Variants in DNAAF11 observed in about 807,000 individuals in gnomAD.
DNAAF11 encodes dynein axonemal assembly factor 11.
DNAAF11 carries 45 observed loss-of-function variants against 60.8 expected under a neutral mutation model. That is an observed-to-expected ratio of 0.74 (90% confidence interval 0.58 to 0.95). The LOEUF (loss-of-function observed/expected upper bound fraction) is 0.95. DNAAF11 is among the 40% of genes least tolerant of loss of function. The pLI, the probability that DNAAF11 is intolerant of heterozygous loss-of-function variation, is 0.00. For missense variants in DNAAF11, 546 were observed against 546.2 expected (o/e 1.00, Z 0.00); for synonymous variants, 191 against 183.5 (o/e 1.04, Z -0.33).
chr8:132,586,054 A>T (rs1563977043), intron 10 of DNAAF11, among the ~76,000 whole-genome samples: 1 of 152,210 alleles, frequency 6.6e-6, no homozygotes, highest in East Asian at 1.9e-4. Flanking sequence ...GTCAATTATA[A>T]ATTTAAAAAA....
At chr8:132,631,825 T>C (rs367640834) in intron 5 of DNAAF11, among the ~76,000 whole-genome samples, 2 of 151,066 alleles carry the variant, frequency 1.3e-5, no homozygotes, top group South Asian at 2.1e-4. Flanking sequence ...TGAGAACACA[T>C]GGACACAGGA....
chr8:132,695,353 C>G, the DNAAF11 span, among the ~76,000 whole-genome samples: 1 of 152,124 alleles, frequency 6.6e-6, no homozygotes, highest in Admixed American at 6.5e-5. Context: ...GGGACAATTC[C>G]TGGAGCAATT....
chr8:132,628,339 G>T (rs1490812204), intron 5 of DNAAF11, among the ~76,000 whole-genome samples: 1 of 152,058 alleles, frequency 6.6e-6, no homozygotes, highest in Non-Finnish European at 1.5e-5. Context: ...TTGAACCCAG[G>T]AGGCAGAGAT....
the DNAAF11 span, chr8:132,687,545 C>T: frequency 6.0e-5 from 27 of 453,592 alleles, no homozygotes; most frequent in African/African-American, 8.0e-5. Context: ...TAACAGGTTC[C>T]GTCATCAGAA....
intron 2 of DNAAF11, among the ~76,000 whole-genome samples, chr8:132,659,306 G>T (rs1823895386): frequency 1.3e-5 from 2 of 152,214 alleles, no homozygotes; most frequent in African/African-American, 4.8e-5. Context: ...TCCTAGAGGG[G>T]TGGTTTTACT....
intron 3 of DNAAF11, among the ~76,000 whole-genome samples, chr8:132,649,023 CT>C (rs1326091096): frequency 6.6e-6 from 1 of 151,142 alleles, no homozygotes; most frequent in Non-Finnish European, 1.5e-5. Flanking sequence ...TTTTATGGAA[CT>C]TTTTTATGGA....
the DNAAF11 span, among the ~76,000 whole-genome samples, chr8:132,702,774 G>C: frequency 6.6e-6 from 1 of 152,168 alleles, no homozygotes; most frequent in Admixed American, 6.5e-5. Context: ...CTTGTCCAAA[G>C]TGAAAGCAGT....
intron 2 of DNAAF11, among the ~76,000 whole-genome samples, chr8:132,658,366 A>G (rs1403283555): frequency 6.6e-6 from 1 of 152,164 alleles, no homozygotes; most frequent in Non-Finnish European, 1.5e-5. Context: ...TCTGTTGCCC[A>G]GGCTGGAGTG....
At chr8:132,638,952 G>A (rs557002071) in intron 3 of DNAAF11, among the ~76,000 whole-genome samples, 2 of 152,274 alleles carry the variant, frequency 1.3e-5, no homozygotes, top group Non-Finnish European at 2.9e-5. Context: ...TGTGACCTTG[G>A]GTAAGTTACA....
chr8:132,588,124 T>C (rs1816093194), intron 10 of DNAAF11, among the ~76,000 whole-genome samples: 1 of 152,170 alleles, frequency 6.6e-6, no homozygotes, highest in South Asian at 2.1e-4. Flanking sequence ...AAATTGCCAA[T>C]ATCTATGTTT....
At chr8:132,647,921 A>C (rs957808117) in intron 3 of DNAAF11, among the ~76,000 whole-genome samples, 1 of 152,214 alleles carries the variant, frequency 6.6e-6, no homozygotes, top group Admixed American at 6.5e-5. Flanking sequence ...GCCGAATTCT[A>C]TCAGAGGTAC....
In DNAAF11 at chr8:132,572,379, G is replaced by T; in HGVS notation, c.1328C>A (p.Pro443His). The stretch of plus-strand genomic sequence containing the variant: ...CTCACTTGGTATAATTTTGGGTTCA[G>T]GTCGTCTTCTGGGTGTGTGTTTTTT... ...QEKKHTPRRR[P>H]EPKIIPSEED... The change falls in exon 12 of 12, where the codon CCT becomes CAT. Residue 443 changes from proline (P) to histidine (H), a missense_variant. Coordinates refer to ENST00000620350, the MANE Select transcript of DNAAF11 (RefSeq NM_012472.6). 1 of 1,614,044 alleles carries T rather than the reference G, an allele frequency of 6.2e-7. No homozygotes were observed. Among genetic ancestry groups the T allele is most frequent in the Non-Finnish European group, 8.5e-7 (1 of 1,179,942 alleles).
chr8:132,637,972 T>C lies in DNAAF11; in HGVS notation c.392A>G (p.Tyr131Cys), dbSNP rs1351328913. Residue 131 changes from tyrosine to cysteine, a missense_variant, in exon 4 of 12, where the codon TAT becomes TGT. By Grantham distance (194) the Tyr-to-Cys change is radical. Coordinates refer to ENST00000620350, the MANE Select transcript of DNAAF11 (RefSeq NM_012472.6). ...AAGAGTTGCTACCACGAACTCCCTA[T>C]AGTGGTCAAAGGAAGCACATGGGTT... is the stretch of plus-strand genomic sequence containing the variant. Reference protein sequence around the residue: ...MGNPCASFDHYREFVVATLPQ... With the variant: ...MGNPCASFDHCREFVVATLPQ... 1.2e-6 allele frequency: 2 copies of C among 1,614,036 alleles called. No individual in the cohort carries two copies. Among genetic ancestry groups the C allele is most frequent in the Non-Finnish European group, 1.7e-6 (2 of 1,179,950 alleles).
the DNAAF11 span, among the ~76,000 whole-genome samples, chr8:132,686,414 C>T: frequency 7.3e-3 from 1,116 of 152,246 alleles, 8 homozygotes; most frequent in Non-Finnish European, 0.012. Context: ...GATGGGACAT[C>T]TTTACATGGT....
intron 3 of DNAAF11, among the ~76,000 whole-genome samples, chr8:132,638,404 T>C (rs1011144170): frequency 6.6e-6 from 1 of 152,148 alleles, no homozygotes; most frequent in African/African-American, 2.4e-5. Context: ...GGTCACTATC[T>C]GGCATGAAAA....
chr8:132,599,825 A>C (rs1414510353), intron 10 of DNAAF11, among the ~76,000 whole-genome samples: 1 of 152,188 alleles, frequency 6.6e-6, no homozygotes, highest in Non-Finnish European at 1.5e-5. Flanking sequence ...ATCATACTGA[A>C]TGGGCAAAAA....
chr8:132,692,492 C>G, the DNAAF11 span, among the ~76,000 whole-genome samples: 2 of 152,184 alleles, frequency 1.3e-5, no homozygotes, highest in Admixed American at 1.3e-4. Flanking sequence ...CAGCCAGGCA[C>G]AGCTCTTAAA....
chr8:132,656,805 A>T, intron 3 of DNAAF11, 25 bp downstream of exon 3: 4 of 1,001,046 alleles, frequency 4.0e-6, no homozygotes, highest in Non-Finnish European at 6.2e-6. Context: ...AATTCATAAT[A>T]GCATAATAGA....
chr8:132,590,399 C>G (rs1295490872), intron 10 of DNAAF11, among the ~76,000 whole-genome samples: 1 of 152,204 alleles, frequency 6.6e-6, no homozygotes, highest in East Asian at 1.9e-4. Flanking sequence ...ACCAACTTCT[C>G]CCTCTGTCCC....
Sources: allele counts gnomAD v4.1 joint callset (sites outside exome capture counted in the v4.1 genomes callset), GRCh38; gene constraint gnomAD v4.1.1; transcripts MANE v1.5; gene names NCBI Gene and HGNC (gene_info 2026-07-23, HGNC 2026-07-21).